Variants in RNF43 observed in about 807,000 individuals in gnomAD.
RNF43 encodes the protein ring finger protein 43.
RNF43 carries 37 observed loss-of-function variants against 78.4 expected under a neutral mutation model. That is an observed-to-expected ratio of 0.47 (90% CI 0.36 to 0.62). The LOEUF is 0.62. RNF43 is among the 20% of genes least tolerant of loss of function. RNF43 has a pLI of 0.00. For synonymous variants in RNF43, 347 were observed against 395.0 expected (o/e 0.88, Z 1.44); for missense variants, 774 against 1,007.9 (o/e 0.77, Z 3.14).
chr17:58,389,506 G>A (rs1374181417), intron 2 of RNF43, among the ~76,000 whole-genome samples: 1 of 152,136 alleles, frequency 6.6e-6, no homozygotes, highest in Non-Finnish European at 1.5e-5. Context: ...TTTGCTAACC[G>A]TTGATCAACA....
At chr17:58,388,799 A>G (rs1973487641) in intron 2 of RNF43, among the ~76,000 whole-genome samples, 1 of 152,162 alleles carries the variant, frequency 6.6e-6, no homozygotes, top group Non-Finnish European at 1.5e-5. Flanking sequence ...TGTCAAATGG[A>G]TTTTTCAAAC....
At chr17:58,399,195 AC>A (rs1973744094) in intron 2 of RNF43, among the ~76,000 whole-genome samples, 1 of 152,220 alleles carries the variant, frequency 6.6e-6, no homozygotes, top group South Asian at 2.1e-4. Flanking sequence ...ACCCATAATT[AC>A]CTTTATCCCA....
intron 3 of RNF43, among the ~76,000 whole-genome samples, chr17:58,364,702 C>T (rs1972912714): frequency 6.6e-6 from 1 of 152,234 alleles, no homozygotes; most frequent in African/African-American, 2.4e-5. Flanking sequence ...CCCTCACCCC[C>T]AAAGTCTCTG....
intron 2 of RNF43, among the ~76,000 whole-genome samples, chr17:58,387,577 T>G (rs992939802): frequency 6.6e-6 from 1 of 151,930 alleles, no homozygotes; most frequent in African/African-American, 2.4e-5. Flanking sequence ...GGAGAATCGC[T>G]TGAACCTGGG....
intron 3 of RNF43, among the ~76,000 whole-genome samples, chr17:58,370,006 A>G (rs1973045350): frequency 6.7e-6 from 1 of 149,142 alleles, no homozygotes; most frequent in African/African-American, 2.5e-5. Context: ...CCTACAAACC[A>G]TGGCCTGCAG....
At chr17:58,356,474 C>G (rs1018091673) in intron 9 of RNF43, among the ~76,000 whole-genome samples, 1 of 152,098 alleles carries the variant, frequency 6.6e-6, no homozygotes, top group Non-Finnish European at 1.5e-5. Flanking sequence ...CAAGTAAACA[C>G]CATGTTAAAG....
At chr17:58,414,949 C>T (rs1974093899) in intron 2 of RNF43, among the ~76,000 whole-genome samples, 1 of 152,072 alleles carries the variant, frequency 6.6e-6, no homozygotes, top group Admixed American at 6.5e-5. Flanking sequence ...CTTCTTAGTG[C>T]TTACTTCAAT....
intron 2 of RNF43, among the ~76,000 whole-genome samples, chr17:58,403,998 C>T (rs1465223918): frequency 6.6e-6 from 1 of 152,100 alleles, no homozygotes; most frequent in African/African-American, 2.4e-5. Flanking sequence ...ACAACCTTGA[C>T]GAAGCATTTA....
chr17:58,391,410 TA>T (rs1461206757), intron 2 of RNF43, among the ~76,000 whole-genome samples: 2 of 152,190 alleles, frequency 1.3e-5, no homozygotes, highest in African/African-American at 2.4e-5. Flanking sequence ...ACGATTTAGT[TA>T]TTGCTCCAAT....
At position 58,360,104 on chromosome 17, in the gene RNF43, G is replaced by T. The variant is rs2143437409; in HGVS notation, c.952+45C>A. The T allele has an allele frequency of 1.4e-6, 2 of 1,454,064 alleles. No individual in the cohort carries two copies. Among genetic ancestry groups the T allele is most frequent in the South Asian group, 1.1e-5 (1 of 87,744 alleles). 90.1% of individuals were successfully genotyped at this position (1,454,064 alleles called of 1,614,324 possible). A position where few individuals can be genotyped will look rare whatever the true frequency, so the allele number is the denominator to read the frequency against. On this transcript the variant is annotated intron_variant, in intron 8 of 9. Coordinates refer to ENST00000407977, the MANE Select transcript of RNF43 (RefSeq NM_017763.6). The surrounding 1 kb of genome is among the most constrained non-coding windows in gnomAD (Gnocchi z 4.3). ...TTTCCCAAAGGGAAGCCACATTCTA[G>T]ACCTGTCTGCCTACACAGAGGGGAG... is the stretch of plus-strand genomic sequence containing the variant.
rs2143443068 is a variant in RNF43, at chr17:58,360,703, G to C, written c.849+80C>G. The C allele has an allele frequency of 7.0e-7, 1 of 1,438,190 alleles. No individual in the cohort carries two copies. The highest frequency in any genetic ancestry group is 1.4e-5 in the South Asian group (1 of 72,916). The allele number at this position is 1,438,190 out of a possible 1,614,324, so 89.1% of individuals were successfully genotyped here. A position where few individuals can be genotyped will look rare whatever the true frequency, so the allele number is the denominator to read the frequency against. ...AGATGTAGCCAGGGTACCCATACCA[G>C]CCCCTAGGCCTGCCCACCCCTCCCC... On this transcript the variant is annotated intron_variant, in intron 7 of 9. Coordinates refer to ENST00000407977, the MANE Select transcript of RNF43 (RefSeq NM_017763.6). This position sits in a 1 kb window ranked among gnomAD's most constrained non-coding sequence, Gnocchi z 4.3.
chr17:58,405,674 A>G (rs1208986231), intron 2 of RNF43, among the ~76,000 whole-genome samples: 2 of 150,536 alleles, frequency 1.3e-5, no homozygotes, highest in Non-Finnish European at 3.0e-5. Flanking sequence ...GAGAGGTGAC[A>G]GAGAGAGAGA....
downstream of RNF43, chr17:58,353,497 CT>C (rs1186034387): frequency 5.0e-6 from 1 of 200,830 alleles, no homozygotes; most frequent in African/African-American, 2.3e-5. Flanking sequence ...CTAAGCCACA[CT>C]TTTAGGGGCT....
intron 2 of RNF43, among the ~76,000 whole-genome samples, chr17:58,377,262 A>G (rs1358706575): frequency 6.6e-6 from 1 of 152,218 alleles, no homozygotes; most frequent in Non-Finnish European, 1.5e-5. Flanking sequence ...GTGCTCACTT[A>G]ATGGCAGCTG....
chr17:58,378,933 A>G (rs1055391949), intron 2 of RNF43, among the ~76,000 whole-genome samples: 1 of 152,206 alleles, frequency 6.6e-6, no homozygotes, highest in African/African-American at 2.4e-5. Context: ...TCCAGTTGCC[A>G]CGTAGTTTAT....
At chr17:58,405,068 CTTTTTTTTTTTT>C (rs35147601) in intron 2 of RNF43, among the ~76,000 whole-genome samples, 1 of 79,604 alleles carries the variant, frequency 1.3e-5, no homozygotes, top group Non-Finnish European at 2.4e-5. Flanking sequence ...TGTAGTACTT[CTTTTTTTTTTTT>C]TTTTTTTTTT....
chr17:58,376,029 GGTGTCTGGAGCCA>G (rs963458535), intron 2 of RNF43, among the ~76,000 whole-genome samples: 66 of 152,194 alleles, frequency 4.3e-4, no homozygotes, highest in Admixed American at 2.4e-3. Flanking sequence ...GCAGGAAGGA[GGTGTCTGGAGCCA>G]GTGTGAGGGG....
chr17:58,401,293 T>C (rs1163766109), intron 2 of RNF43, among the ~76,000 whole-genome samples: 1 of 152,254 alleles, frequency 6.6e-6, no homozygotes, highest in Non-Finnish European at 1.5e-5. Context: ...CCAAAGACTA[T>C]TTTACAAGTC....
chr17:58,376,137 C>G (rs1024859411), intron 2 of RNF43, among the ~76,000 whole-genome samples: 3 of 152,136 alleles, frequency 2.0e-5, no homozygotes, highest in African/African-American at 7.2e-5. Context: ...TACTAGACCC[C>G]AGGAGGCTGG....
Sources: gnomAD v4.1 joint callset for allele counts (sites outside exome capture counted in the v4.1 genomes callset) on GRCh38, gnomAD v4.1.1 for gene constraint, Gnocchi (gnomAD v3.1) non-coding constraint, MANE v1.5 for transcripts, NCBI Gene and HGNC (gene_info 2026-07-23, HGNC 2026-07-21) for gene names.